Variants in RRBP1 observed in about 807,000 individuals in gnomAD.
RRBP1 encodes the protein ribosome-binding protein 1.
RRBP1 carries 94 observed loss-of-function variants against 165.2 expected under a neutral mutation model. The ratio of observed to expected loss-of-function variants is 0.57; its 90% CI spans 0.48 to 0.68. The LOEUF (loss-of-function observed/expected upper bound fraction) is 0.68. Ranked by LOEUF, RRBP1 falls within the 30% of genes least tolerant of loss-of-function variation. The pLI, the probability that RRBP1 is intolerant of heterozygous loss-of-function variation, is 0.00. For missense variants in RRBP1, 1,676 were observed against 1,763.0 expected (o/e 0.95, Z 0.88); for synonymous variants, 680 against 714.5 (o/e 0.95, Z 0.77).
At chr20:17,634,041 C>G (rs2036202992) in intron 7 of RRBP1, among the ~76,000 whole-genome samples, 2 of 152,228 alleles carry the variant, frequency 1.3e-5, no homozygotes, top group South Asian at 4.1e-4. Flanking sequence ...GCTGGGGAGG[C>G]TGCCCAAAGC....
In RRBP1 at chr20:17,653,120, C is replaced by T. The variant is rs1006136361; in HGVS notation, c.1912+5476G>A. On this transcript the variant is annotated intron_variant, in intron 3 of 24. Coordinates refer to ENST00000377813, the MANE Select transcript of RRBP1 (RefSeq NM_001365613.2). ...GCAAAACGGCCAAGCATCCAGAGAG[C>T]GCCACCGACAACTGACTGCAGTGGT... Among the ~76,000 whole-genome samples, 10 of 152,358 alleles carry T rather than the reference C, an allele frequency of 6.6e-5. No homozygotes were observed. The South Asian group carries it at 1.0e-3, about 16-fold the overall frequency.
At chr20:17,618,203 C>A (rs771877281) in intron 20 of RRBP1, among the ~76,000 whole-genome samples, 4 of 152,232 alleles carry the variant, frequency 2.6e-5, no homozygotes, top group Non-Finnish European at 4.4e-5. Context: ...AGCCCCAGGG[C>A]GATGGGTGGC....
At chr20:17,671,680 G>C (rs1051508440) in intron 2 of RRBP1, among the ~76,000 whole-genome samples, 1 of 152,128 alleles carries the variant, frequency 6.6e-6, no homozygotes, top group Non-Finnish European at 1.5e-5. Context: ...CTATCATGCT[G>C]CCAGCATTAA....
intron 20 of RRBP1, 100 bp downstream of exon 20, chr20:17,618,496 T>A: frequency 1.0e-6 from 1 of 987,098 alleles, no homozygotes. Context: ...TTCCCTAGGC[T>A]TTATCTTTGA....
In RRBP1 at chr20:17,627,573, G is replaced by A. The variant is rs374816409; in HGVS notation, c.2859C>T (p.Leu953=). Residue 953 remains leucine, a synonymous_variant, in exon 10 of 25, where the codon CTC becomes CTT. Coordinates refer to ENST00000377813, the MANE Select transcript of RRBP1 (RefSeq NM_001365613.2). ...LQEARAENSQ[L]TERIRSIEAL... is the part of the protein sequence containing the mutation. ...CCTCAATGGAACGGATTCTCTCTGT[G>A]AGCTGGGAGTTCTCCGCCCTGGCCT... The A allele has an allele frequency of 1.2e-6, 2 of 1,613,430 alleles. No individual in the cohort carries two copies. Among genetic ancestry groups the A allele is most frequent in the Non-Finnish European group, 1.7e-6 (2 of 1,179,956 alleles).
chr20:17,662,702 C>T (rs537019036), intron 2 of RRBP1, among the ~76,000 whole-genome samples: 1 of 152,076 alleles, frequency 6.6e-6, no homozygotes, highest in South Asian at 2.1e-4. Context: ...AAAAGGAAAT[C>T]GCACCCTGCT....
chr20:17,624,734 C>A, intron 12 of RRBP1, 66 bp from the exon 13 acceptor site: 1 of 1,173,854 alleles, frequency 8.5e-7, no homozygotes, highest in South Asian at 1.3e-5. Context: ...AAGCTGGTGT[C>A]AGACAGGACA....
At chr20:17,642,313 G>C (rs1405938423) in intron 4 of RRBP1, among the ~76,000 whole-genome samples, 2 of 152,196 alleles carry the variant, frequency 1.3e-5, no homozygotes, top group Non-Finnish European at 2.9e-5. Context: ...CCTGAGGAGA[G>C]CCAGGCCTCT....
At chr20:17,636,450 A>T in intron 6 of RRBP1, 127 bp downstream of exon 6, 1 of 1,146,594 alleles carries the variant, frequency 8.7e-7, no homozygotes, top group South Asian at 1.4e-5. Flanking sequence ...ACCAGACCTT[A>T]CAGACCCCTG....
intron 5 of RRBP1, among the ~76,000 whole-genome samples, chr20:17,637,295 T>G (rs920520244): frequency 6.6e-6 from 1 of 151,950 alleles, no homozygotes; most frequent in African/African-American, 2.4e-5. Context: ...CAGGTGAACA[T>G]GGATGCCGAG....
intron 2 of RRBP1, among the ~76,000 whole-genome samples, chr20:17,675,399 G>A (rs1370032584): frequency 1.3e-5 from 2 of 152,242 alleles, no homozygotes; most frequent in African/African-American, 4.8e-5. Flanking sequence ...GCTAGTCACT[G>A]CCCTCGACAC....
intron 18 of RRBP1, 21 bp from the exon 19 acceptor site, chr20:17,619,749 G>C: frequency 6.4e-7 from 1 of 1,553,850 alleles, no homozygotes; most frequent in Non-Finnish European, 8.8e-7. Context: ...GCACAGACAC[G>C]CACACGCATG....
rs1170310253 is a variant in RRBP1 at position 17,658,796 on chromosome 20, TCTG to T, written c.1709_1711del (p.Ala570del). 1 of 1,614,102 alleles carries T rather than the reference TCTG, an allele frequency of 6.2e-7. No homozygotes were observed. Among genetic ancestry groups the T allele is most frequent in the Non-Finnish European group, 8.5e-7 (1 of 1,179,942 alleles). On this transcript the variant is annotated inframe_deletion, in exon 3 of 25. Coordinates refer to ENST00000377813, the MANE Select transcript of RRBP1 (RefSeq NM_001365613.2). The stretch of plus-strand genomic sequence containing the variant: ...CTTTTTGCCTTCACTGGGGGACCCT[TCTG>T]CTTTTTTCCCCTGGTTTGTAATACC...
chr20:17,625,832 C>A (rs1302949396), intron 11 of RRBP1, among the ~76,000 whole-genome samples: 1 of 152,106 alleles, frequency 6.6e-6, no homozygotes, highest in Non-Finnish European at 1.5e-5. Context: ...CCAGAGCTGT[C>A]ACCAGAGTCC....
chr20:17,642,855 T>C (rs1225718875), intron 4 of RRBP1, 124 bp downstream of exon 4: 4 of 1,114,022 alleles, frequency 3.6e-6, no homozygotes, highest in East Asian at 5.0e-5. Context: ...GGTGGCAGAA[T>C]TCTGCCAGGA....
chr20:17,640,904 C>T (rs1173655920), intron 5 of RRBP1, among the ~76,000 whole-genome samples: 1 of 152,250 alleles, frequency 6.6e-6, no homozygotes, highest in African/African-American at 2.4e-5. Context: ...GGCTGTAGCC[C>T]AGACACTGTT....
At chr20:17,665,422 AG>A (rs2036851427) in intron 2 of RRBP1, among the ~76,000 whole-genome samples, 1 of 152,096 alleles carries the variant, frequency 6.6e-6, no homozygotes, top group Admixed American at 6.6e-5. Context: ...CCCAGGCTGG[AG>A]CTCAGTGGCA....
chr20:17,623,198 C>T (rs2035949264), intron 13 of RRBP1: 2 of 152,262 alleles, frequency 1.3e-5, no homozygotes, highest in African/African-American at 4.8e-5. Context: ...TCACTGGGGG[C>T]TACAAGGCCA....
In RRBP1 at chr20:17,616,749, C is replaced by A; in HGVS notation, c.3850G>T (p.Glu1284Ter). ...PASSPEAPPA[E>*]QDPVQLKTQL... ...GCCCTAACCTGAACGGGGTCCTGCT[C>A]GGCTGGGGGCGCCTCTGGGGAGGAA... Residue 1284 changes from glutamate to a stop codon, truncating the protein, a stop_gained, in exon 21 of 25, where the codon GAG (glutamate) becomes TAG (stop). Transcript: ENST00000377813. LOFTEE classifies it high-confidence loss of function. 6.2e-7 allele frequency: 1 copy of A among 1,610,534 alleles called. No homozygotes were observed. Among genetic ancestry groups the A allele is most frequent in the Non-Finnish European group, 8.5e-7 (1 of 1,178,476 alleles).
Sources: allele counts gnomAD v4.1 joint callset (sites outside exome capture counted in the v4.1 genomes callset), GRCh38; gene constraint gnomAD v4.1.1; transcripts MANE v1.5; gene names NCBI Gene and HGNC (gene_info 2026-07-23, HGNC 2026-07-21).